The following COG7 variants were observed in gnomAD, a reference collection of about 807,000 sequenced individuals.
COG7 encodes component of oligomeric golgi complex 7, also known as conserved oligomeric Golgi complex subunit 7.
Under a neutral mutation model 91.5 loss-of-function variants are expected in COG7, and 49 were observed. The observed-to-expected ratio is 0.54, with a 90% confidence interval of 0.43 to 0.68. The LOEUF (loss-of-function observed/expected upper bound fraction) is 0.68, where lower values mean the gene tolerates loss of function less well. Ranked by LOEUF, COG7 falls within the 30% of genes least tolerant of loss-of-function variation. The pLI, the probability that COG7 is intolerant of heterozygous loss-of-function variation, is 0.00. For synonymous variants in COG7, 365 were observed against 388.7 expected (o/e 0.94, Z 0.72); for missense variants, 895 against 961.3 (o/e 0.93, Z 0.91).
In COG7 at chr16:23,433,531, A is replaced by C; in HGVS notation, c.810+14T>G. On this transcript the variant is annotated intron_variant, in intron 6 of 16. Transcript: ENST00000307149. The stretch of plus-strand genomic sequence containing the variant: ...ACAGACTCTGTTCTCCCTAGAACAA[A>C]AATGAGCTGTTACCTGTGTAGCCCA... 6.2e-7 allele frequency: 1 copy of C among 1,614,012 alleles called. No individual in the cohort carries two copies. Among genetic ancestry groups the C allele is most frequent in the South Asian group, 1.1e-5 (1 of 91,082 alleles).
chr16:23,413,542 T>C lies in COG7; in HGVS notation c.1315A>G (p.Thr439Ala). Residue 439 changes from threonine to alanine, a missense_variant, in exon 10 of 17, where the codon ACT becomes GCT. Coordinates refer to ENST00000307149, the MANE Select transcript of COG7 (RefSeq NM_153603.4). ...FAKYVSDFTS[T>A]LQSIRKKCKL... ...CACTTCTTTCGTATGGACTGGAGAG[T>C]GCTGGTGAAATCAGACACATACCTG... is the stretch of plus-strand genomic sequence containing the variant. 1 of 1,607,148 alleles carries C rather than the reference T, an allele frequency of 6.2e-7. No homozygotes were observed. The highest frequency in any genetic ancestry group is 8.5e-7 in the Non-Finnish European group (1 of 1,173,916).
intron 13 of COG7, among the ~76,000 whole-genome samples, chr16:23,402,599 G>A (rs1963396230): frequency 6.6e-6 from 1 of 152,144 alleles, no homozygotes; most frequent in Non-Finnish European, 1.5e-5. Context: ...TGAGGAAACG[G>A]AGGCTCACGG....
chr16:23,403,823 T>A lies in COG7; in HGVS notation c.1674A>T (p.Ser558=), dbSNP rs775910522. ...GTGCAGCCAGCAGGTTGTGGTTGCTTGACCCTTTTTCCTAAGACAAGAAAA... is the reference window on the plus strand; with the variant it reads ...GTGCAGCCAGCAGGTTGTGGTTGCTAGACCCTTTTTCCTAAGACAAGAAAA... The part of the protein sequence containing the change: ...EILYTLKEKG[S]SNHNLLAAPR... The change falls in exon 13 of 17, where the codon TCA becomes TCT. Residue 558 remains serine (S), a synonymous_variant. Transcript: ENST00000307149. 1 of 1,614,220 alleles carries A rather than the reference T, an allele frequency of 6.2e-7. No homozygotes were observed. Among genetic ancestry groups the A allele is most frequent in the South Asian group, 1.1e-5 (1 of 91,088 alleles).
chr16:23,446,040 A>G (rs1596958485), intron 1 of COG7, 79 bp from the exon 2 acceptor site: 1 of 1,504,088 alleles, frequency 6.6e-7, no homozygotes, highest in East Asian at 2.3e-5. Context: ...CCACCAGTAA[A>G]ATACAGGAAA....
chr16:23,406,235 T>C lies in COG7; in HGVS notation c.1503A>G (p.Leu501=), dbSNP rs200335241. 28 of 1,614,058 alleles carry C rather than the reference T, an allele frequency of 1.7e-5. 1 individual carries two copies. In the East Asian group the frequency reaches 2.2e-4, roughly 13 times the overall value. Residue 501 remains leucine (L), a synonymous_variant, in exon 12 of 17, where the codon CTA becomes CTG. Transcript: ENST00000307149. ...NRILSTAGKY[L]SDSCSPRSLA... is the part of the protein sequence containing the mutation. ...GGCTCCGGGGGCTGCAGGAATCAGA[T>C]AGATACTTCCCAGCTGTGGACAAAA...
intron 4 of COG7, among the ~76,000 whole-genome samples, chr16:23,436,112 C>T (rs1335570609): frequency 2.0e-5 from 3 of 151,956 alleles, no homozygotes; most frequent in Admixed American, 2.0e-4. Context: ...ACCTGTAAAC[C>T]CCAGGAGGCT....
chr16:23,417,890 A>G (rs1322496532), intron 8 of COG7, among the ~76,000 whole-genome samples: 1 of 152,218 alleles, frequency 6.6e-6, no homozygotes, highest in Non-Finnish European at 1.5e-5. Flanking sequence ...AAACAAGAAA[A>G]TGGTAAGAGG....
intron 14 of COG7, among the ~76,000 whole-genome samples, chr16:23,394,058 A>G (rs906906523): frequency 7.6e-5 from 7 of 91,658 alleles, no homozygotes; most frequent in African/African-American, 3.0e-4. Flanking sequence ...TCTGTCTCAG[A>G]AAAAAAAAAA....
At chr16:23,418,423 TG>T (rs1440606119) in intron 8 of COG7, among the ~76,000 whole-genome samples, 2 of 152,172 alleles carry the variant, frequency 1.3e-5, no homozygotes, top group African/African-American at 4.8e-5. Context: ...GAGGATCACT[TG>T]AGCCCAGGAG....
At chr16:23,424,426 C>T (rs895374851) in intron 7 of COG7, among the ~76,000 whole-genome samples, 3 of 152,054 alleles carry the variant, frequency 2.0e-5, no homozygotes, top group East Asian at 3.8e-4. Context: ...TGTAATCTGC[C>T]GCCAACTCTT....
intron 6 of COG7, among the ~76,000 whole-genome samples, chr16:23,425,853 G>T (rs1445246705): frequency 6.6e-6 from 1 of 152,192 alleles, no homozygotes; most frequent in African/African-American, 2.4e-5. Flanking sequence ...CAAGTGTCTA[G>T]TTATTTTCAA....
chr16:23,397,935 C>T, intron 14 of COG7, 111 bp downstream of exon 14: 1 of 933,098 alleles, frequency 1.1e-6, no homozygotes, highest in South Asian at 1.4e-5. Flanking sequence ...ACAGGCTACC[C>T]AAAAGGGTCA....
chr16:23,393,475 T>C, intron 14 of COG7, 128 bp from the exon 15 acceptor site: 1 of 716,926 alleles, frequency 1.4e-6, no homozygotes, highest in Non-Finnish European at 2.6e-6. Context: ...CCAAGTCTGA[T>C]CTTTCTAGTA....
rs115391357 is a variant in COG7, at chr16:23,401,618, A to G, written c.1803+2076T>C. Among the ~76,000 whole-genome samples the G allele has an allele frequency of 5.8e-3, 887 of 152,328 alleles. 12 individuals carry two copies. Among genetic ancestry groups the G allele is most frequent in the African/African-American group, 0.02 (851 of 41,564 alleles). On this transcript the variant is annotated intron_variant, in intron 13 of 16. Coordinates refer to ENST00000307149, the MANE Select transcript of COG7 (RefSeq NM_153603.4). ...AGAAAGCTAATCCTTTCGTTTTTCA[A>G]TGGATCATATGTATCAGTATCTGTC...
At chr16:23,398,592 G>A (rs1444783476) in intron 13 of COG7, among the ~76,000 whole-genome samples, 1 of 152,152 alleles carries the variant, frequency 6.6e-6, no homozygotes, top group Non-Finnish European at 1.5e-5. Flanking sequence ...GAGGCCACGT[G>A]TCAGTCTCTT....
chr16:23,449,723 C>A (rs1201750143), intron 1 of COG7, among the ~76,000 whole-genome samples: 1 of 150,074 alleles, frequency 6.7e-6, no homozygotes, highest in Non-Finnish European at 1.5e-5. Context: ...CGCACTCCAT[C>A]CTGGGCAACA....
rs373677578 is a variant in COG7, at chr16:23,443,429, G to A, written c.436-784C>T. Among the ~76,000 whole-genome samples the A allele has an allele frequency of 9.9e-5, 15 of 152,148 alleles. No homozygotes were observed. In the South Asian group the frequency reaches 2.7e-3, roughly 27 times the overall value. ...CAGGCAGCCGGGAAGGGTGGCTCAC[G>A]CCCCTGTAATCCCAGCACTTTGGGA... On this transcript the variant is annotated intron_variant, in intron 3 of 16. Transcript: ENST00000307149.
chr16:23,392,220 C>T, intron 16 of COG7, 160 bp downstream of exon 16: 1 of 1,510,446 alleles, frequency 6.6e-7, no homozygotes, highest in African/African-American at 1.4e-5. Flanking sequence ...ATCTCTGGGG[C>T]AGGGCCTGGA....
Position 23,424,847 on chromosome 16 carries a change from C to T in COG7, c.911G>A (p.Arg304Lys), listed in dbSNP as rs536534399. The change falls in exon 7 of 17, where the codon AGG becomes AAG. Residue 304 changes from arginine (R) to lysine (K), a missense_variant. Physicochemically the swap from Arg to Lys is conservative, Grantham distance 26. Coordinates refer to ENST00000307149, the MANE Select transcript of COG7 (RefSeq NM_153603.4). ...GGTGAGCTCCTGCTCGGGCCCTGCCCTCTCCACGCCGTTGCTGAGGCAGGA... is the reference window on the plus strand; with the variant it reads ...GGTGAGCTCCTGCTCGGGCCCTGCCTTCTCCACGCCGTTGCTGAGGCAGGA... ...LPSCLSNGVERAGPEQELTRL... is the reference protein window; with the variant it reads ...LPSCLSNGVEKAGPEQELTRL... 6.2e-7 allele frequency: 1 copy of T among 1,614,246 alleles called. No homozygotes were observed. Among genetic ancestry groups the T allele is most frequent in the South Asian group, 1.1e-5 (1 of 91,084 alleles).
Sources: gnomAD v4.1 joint callset for allele counts (sites outside exome capture counted in the v4.1 genomes callset) on GRCh38, gnomAD v4.1.1 for gene constraint, MANE v1.5 for transcripts, NCBI Gene and HGNC (gene_info 2026-07-23, HGNC 2026-07-21) for gene names.